Variants in MAP3K15 observed in about 807,000 individuals in gnomAD.
The protein encoded by MAP3K15 is MAPK/ERK kinase kinase 15.
In MAP3K15, 124 loss-of-function variants were observed where a neutral mutation model predicts 99.5. The observed-to-expected ratio is 1.25, with a 90% CI of 1.08 to 1.45. MAP3K15 has a LOEUF of 1.45. Ranked by LOEUF, MAP3K15 falls within the 40% of genes most tolerant of loss-of-function variation. MAP3K15 has a pLI of 0.00. For missense variants in MAP3K15, 1,242 were observed against 1,079.7 expected (o/e 1.15, Z -2.11); for synonymous variants, 494 against 439.6 (o/e 1.12, Z -1.55).
At chrX:19,436,766 C>T (rs1243486710) in intron 6 of MAP3K15, among the ~76,000 whole-genome samples, 2 of 111,714 alleles carry the variant, frequency 1.8e-5, no homozygotes, top group Non-Finnish European at 3.8e-5. Context: ...CAACCTCTAA[C>T]TCACAGGCTG....
intron 6 of MAP3K15, among the ~76,000 whole-genome samples, chrX:19,433,556 T>C (rs1179506821): frequency 9.0e-6 from 1 of 111,074 alleles, no homozygotes; most frequent in African/African-American, 3.3e-5. Context: ...CAAGCATTCC[T>C]GGTTCTCCAG....
At chrX:19,495,160 C>A (rs2064392279) in intron 1 of MAP3K15, among the ~76,000 whole-genome samples, 1 of 111,267 alleles carries the variant, frequency 9.0e-6, no homozygotes, top group Non-Finnish European at 1.9e-5. Flanking sequence ...TATAGGCATG[C>A]ACCACCATGC....
At chrX:19,476,951 C>T (rs1020358916) in intron 3 of MAP3K15, among the ~76,000 whole-genome samples, 5 of 111,406 alleles carry the variant, frequency 4.5e-5, no homozygotes, top group Admixed American at 1.9e-4. Context: ...CAGATGACCA[C>T]GGAGCCAGAT....
At chrX:19,386,327 G>A (rs1314020540) in intron 18 of MAP3K15, among the ~76,000 whole-genome samples, 1 of 111,249 alleles carries the variant, frequency 9.0e-6, no homozygotes, top group Non-Finnish European at 1.9e-5. Flanking sequence ...ATGGTGGCGT[G>A]TGCCTGTGGT....
At chrX:19,362,915 CAA>C (rs1265539096) in intron 25 of MAP3K15, 65 bp from the exon 26 acceptor site, 1 of 617,702 alleles carries the variant, frequency 1.6e-6, no homozygotes, top group African/African-American at 2.3e-5. Flanking sequence ...CAATTTAACT[CAA>C]GCATCTGTTG....
intron 6 of MAP3K15, among the ~76,000 whole-genome samples, chrX:19,451,178 G>A (rs1332800534): frequency 1.9e-5 from 2 of 105,737 alleles, no homozygotes; most frequent in Admixed American, 1.0e-4. Flanking sequence ...CCAGCTACTC[G>A]GGAGGCTGAG....
intron 25 of MAP3K15, among the ~76,000 whole-genome samples, chrX:19,363,104 T>C (rs2063305684): frequency 8.9e-6 from 1 of 112,009 alleles, no homozygotes; most frequent in East Asian, 2.8e-4. Context: ...AGCTTGGATA[T>C]ATTTTTGCAA....
intron 26 of MAP3K15, among the ~76,000 whole-genome samples, chrX:19,362,510 C>T (rs2063299066): frequency 9.0e-6 from 1 of 111,022 alleles, no homozygotes; most frequent in Non-Finnish European, 1.9e-5. Flanking sequence ...GCTGGGATTA[C>T]AGGCACGAGC....
At chrX:19,473,866 A>G (rs1164608208) in intron 3 of MAP3K15, among the ~76,000 whole-genome samples, 1 of 112,265 alleles carries the variant, frequency 8.9e-6, no homozygotes, top group African/African-American at 3.2e-5. Context: ...GCTTAATTAT[A>G]TAGTCTTAAG....
Position 19,431,716 on chromosome X carries a change from C to T in MAP3K15, c.996-108G>A, listed in dbSNP as rs146004573. On this transcript the variant is annotated intron_variant, in intron 6 of 28. Coordinates refer to ENST00000338883, the MANE Select transcript of MAP3K15 (RefSeq NM_001001671.4). ...ATCCCAGCACTTTGGGAGGCCGAAG[C>T]GGGTAGATCATTTGAGGTCAGGAGT... The T allele has an allele frequency of 7.7e-3, 4,777 of 617,220 alleles. 158 individuals carry two copies. In the African/African-American group the frequency reaches 0.088, roughly 11 times the overall value. 50.9% of individuals were successfully genotyped at this position (617,220 alleles called of 1,213,427 possible).
Position 19,371,083 on chromosome X carries a change from A to G in MAP3K15, c.3295-19T>C, listed in dbSNP as rs2063371849. The G allele has an allele frequency of 9.3e-7, 1 of 1,075,147 alleles. No individual in the cohort carries two copies. The highest frequency in any genetic ancestry group is 3.5e-5 in the East Asian group (1 of 28,902). The allele number at this position is 1,075,147 out of a possible 1,213,427, so 88.6% of individuals were successfully genotyped here. A position where few individuals can be genotyped will look rare whatever the true frequency, so the allele number is the denominator to read the frequency against. On this transcript the variant is annotated intron_variant, in intron 23 of 28. Transcript: ENST00000338883. ...TATTTACCTAAAAAAAAAAAAAATA[A>G]TAAAATAAACTAAAATCACAAAAAT...
At position 19,361,554 on chromosome X, in the gene MAP3K15, G is replaced by A; in HGVS notation, c.3719C>T (p.Thr1240Ile). ...CAACCAGTCTATAAGCTCTTTATCT[G>A]TTCTCTGCCCGTAGGGGCCTGCTGG... ...ENPAGPYGQRTDKELIDWLRL... is the reference protein window; with the variant it reads ...ENPAGPYGQRIDKELIDWLRL... The change falls in exon 27 of 29, where the codon ACA becomes ATA. Residue 1240 changes from threonine to isoleucine, a missense_variant. Thr to Ile is a moderately conservative substitution (Grantham distance 89). Coordinates refer to ENST00000338883, the MANE Select transcript of MAP3K15 (RefSeq NM_001001671.4). The A allele has an allele frequency of 1.7e-6, 2 of 1,211,050 alleles. No homozygotes were observed. Among genetic ancestry groups the A allele is most frequent in the Non-Finnish European group, 1.1e-6 (1 of 894,811 alleles).
chrX:19,401,120 C>T (rs1250978787), intron 13 of MAP3K15, among the ~76,000 whole-genome samples: 1 of 111,513 alleles, frequency 9.0e-6, no homozygotes, highest in African/African-American at 3.3e-5. Context: ...CTTTCTGTCC[C>T]ATCACTGTTT....
intron 4 of MAP3K15, among the ~76,000 whole-genome samples, chrX:19,460,764 T>G (rs1459332277): frequency 3.6e-5 from 4 of 110,168 alleles, no homozygotes; most frequent in Admixed American, 9.7e-5. Flanking sequence ...TTTTTTTGTT[T>G]TTTTTTTTTT....
Position 19,445,756 on chromosome X carries a change from G to A in MAP3K15, c.995+11157C>T, listed in dbSNP as rs181465812. Reference sequence around the variant, plus strand: ...GAGGTCAGGAGTTCGAGACCAGCCCGGCCAACATAGCGAAAGCCAATATCT... The same window carrying A: ...GAGGTCAGGAGTTCGAGACCAGCCCAGCCAACATAGCGAAAGCCAATATCT... On this transcript the variant is annotated intron_variant, in intron 6 of 28. Coordinates refer to ENST00000338883, the MANE Select transcript of MAP3K15 (RefSeq NM_001001671.4). 5.1e-3 allele frequency among the ~76,000 whole-genome samples: 555 copies of A among 108,617 alleles called. 3 individuals carry two copies. The highest frequency in any genetic ancestry group is 0.012 in the South Asian group (29 of 2,510). The allele number at this position is 108,617 out of a possible 115,157, so 94.3% of individuals were successfully genotyped here.
At chrX:19,458,474 T>C (rs1255153292) in intron 5 of MAP3K15, among the ~76,000 whole-genome samples, 4 of 110,591 alleles carry the variant, frequency 3.6e-5, no homozygotes, top group African/African-American at 1.3e-4. Flanking sequence ...AGGTCAGGAG[T>C]TTGAGATCAG....
chrX:19,456,807 G>T, intron 6 of MAP3K15, 106 bp downstream of exon 6: 1 of 515,713 alleles, frequency 1.9e-6, no homozygotes, highest in Non-Finnish European at 3.2e-6. Flanking sequence ...TCATAACCTT[G>T]GCATTTAGCA....
intron 18 of MAP3K15, among the ~76,000 whole-genome samples, chrX:19,388,291 G>A (rs1267886451): frequency 2.7e-5 from 3 of 111,932 alleles, no homozygotes; most frequent in South Asian, 3.7e-4. Context: ...GACTGTGTGC[G>A]CTCCTTCAAG....
intron 4 of MAP3K15, among the ~76,000 whole-genome samples, chrX:19,463,303 G>A (rs1323117829): frequency 3.6e-5 from 4 of 111,629 alleles, no homozygotes; most frequent in Non-Finnish European, 7.5e-5. Context: ...ATTAATAAGT[G>A]TCTCCCTTGT....
Sources: gnomAD v4.1 joint callset for allele counts (sites outside exome capture counted in the v4.1 genomes callset) on GRCh38, gnomAD v4.1.1 for gene constraint, MANE v1.5 for transcripts, NCBI Gene and HGNC (gene_info 2026-07-23, HGNC 2026-07-21) for gene names.